Variants in CILK1 observed in about 807,000 individuals in gnomAD.
CILK1 encodes the protein ciliogenesis associated kinase 1, also known as serine/threonine-protein kinase ICK.
Under a neutral mutation model 79.2 loss-of-function variants are expected in CILK1, and 47 were observed. That is an observed-to-expected ratio of 0.59 (90% confidence interval 0.47 to 0.76). CILK1 has a LOEUF of 0.76. CILK1 is among the 30% of genes least tolerant of loss of function. The pLI, the probability that CILK1 is intolerant of heterozygous loss-of-function variation, is 0.00. For missense variants in CILK1, 660 were observed against 769.5 expected, an observed-to-expected ratio of 0.86 and a Z score of 1.68; for synonymous variants, 266 against 275.9, an observed-to-expected ratio of 0.96 and a Z score of 0.36.
Position 53,001,987 on chromosome 6 carries a change from T to G in CILK1, c.*3162A>C, listed in dbSNP as rs1318457091. ...GTATTTGCACTCAAAAATAAAATAA[T>G]TCTTGTGTTGTCTTGATTGTATACA... On this transcript the variant is annotated 3_prime_UTR_variant, in exon 14 of 14. Coordinates refer to ENST00000676107, the MANE Select transcript of CILK1 (RefSeq NM_014920.5). The G allele has an allele frequency of 6.6e-6, 1 of 152,182 alleles. No homozygotes were observed. The highest frequency in any genetic ancestry group is 1.5e-5 in the Non-Finnish European group (1 of 68,036). The allele number at this position is 152,182 out of a possible 1,614,324, so 9.4% of individuals were successfully genotyped here.
At chr6:53,016,766 G>C (rs1279839860) in intron 7 of CILK1, among the ~76,000 whole-genome samples, 1 of 152,178 alleles carries the variant, frequency 6.6e-6, no homozygotes, top group Non-Finnish European at 1.5e-5. Context: ...ACTTTTTCAT[G>C]CATCATTTCT....
chr6:53,057,941 A>C (rs140350542), intron 1 of CILK1: 1 of 152,336 alleles, frequency 6.6e-6, no homozygotes, highest in African/African-American at 2.4e-5. Flanking sequence ...GTTTAAAAAA[A>C]GGGGGGAGCA....
chr6:53,043,293 G>A (rs1056594282), intron 1 of CILK1, among the ~76,000 whole-genome samples: 3 of 151,726 alleles, frequency 2.0e-5, no homozygotes, highest in African/African-American at 7.3e-5. Flanking sequence ...GCCAGCCTGG[G>A]TAACAGAGTG....
chr6:53,018,227 G>A, intron 7 of CILK1, 103 bp downstream of exon 7: 1 of 1,109,930 alleles, frequency 9.0e-7, no homozygotes, highest in South Asian at 1.3e-5. Context: ...AAAGAGCCTA[G>A]AATGGGCAGG....
At chr6:53,012,544 A>T (rs1764639643) in intron 9 of CILK1, among the ~76,000 whole-genome samples, 1 of 152,198 alleles carries the variant, frequency 6.6e-6, no homozygotes, top group Non-Finnish European at 1.5e-5. Flanking sequence ...AGTTAATATG[A>T]TCTCTGTTAT....
chr6:53,049,652 A>G (rs1245171360), intron 1 of CILK1, among the ~76,000 whole-genome samples: 1 of 152,228 alleles, frequency 6.6e-6, no homozygotes, highest in Non-Finnish European at 1.5e-5. Flanking sequence ...CATGCCATCC[A>G]TAGTGACATT....
rs573135567 is a variant in CILK1 at position 53,003,837 on chromosome 6, T to C, written c.*1312A>G. 3.3e-5 allele frequency: 5 copies of C among 152,654 alleles called. No individual in the cohort carries two copies. Among genetic ancestry groups the C allele is most frequent in the Non-Finnish European group, 7.3e-5 (5 of 68,044 alleles). 9.5% of individuals were successfully genotyped at this position (152,654 alleles called of 1,614,324 possible). On this transcript the variant is annotated 3_prime_UTR_variant, in exon 14 of 14. Transcript: ENST00000676107. ...AATATGAATCAATACACTGTTGAGA[T>C]TGCATTGCGTTCACTGATGGTGACC...
At chr6:53,027,508 C>A (rs894695471) in intron 5 of CILK1, among the ~76,000 whole-genome samples, 2 of 152,120 alleles carry the variant, frequency 1.3e-5, no homozygotes, top group African/African-American at 2.4e-5. Flanking sequence ...AGAAGTCTAC[C>A]CCCCAGAGGC....
At chr6:53,016,466 G>A (rs527446251) in intron 7 of CILK1, among the ~76,000 whole-genome samples, 1 of 151,914 alleles carries the variant, frequency 6.6e-6, no homozygotes, top group Non-Finnish European at 1.5e-5. Context: ...GGGAATAGTG[G>A]AAAAGACACT....
Position 53,002,801 on chromosome 6 carries a change from C to T in CILK1, c.*2348G>A, listed in dbSNP as rs1000208399. 5 of 152,104 alleles carry T rather than the reference C, an allele frequency of 3.3e-5. No homozygotes were observed. The highest frequency in any genetic ancestry group is 5.9e-5 in the Non-Finnish European group (4 of 68,030). The allele number at this position is 152,104 out of a possible 1,614,324, so 9.4% of individuals were successfully genotyped here. On this transcript the variant is annotated 3_prime_UTR_variant, in exon 14 of 14. Coordinates refer to ENST00000676107, the MANE Select transcript of CILK1 (RefSeq NM_014920.5). Reference sequence around the variant, plus strand: ...AAGCGAAGTATTTTCTGAAGTTGGGCCCTATAAAGTATTAGAAAAACAATT... The same window carrying T: ...AAGCGAAGTATTTTCTGAAGTTGGGTCCTATAAAGTATTAGAAAAACAATT...
intron 3 of CILK1, among the ~76,000 whole-genome samples, chr6:53,036,348 C>T (rs944596217): frequency 4.6e-5 from 7 of 152,102 alleles, no homozygotes; most frequent in Non-Finnish European, 1.0e-4. Flanking sequence ...CAGAGGTTGG[C>T]AAACTATGTC....
chr6:53,007,548 G>A (rs1392534633), intron 12 of CILK1, among the ~76,000 whole-genome samples: 1 of 152,200 alleles, frequency 6.6e-6, no homozygotes, highest in Non-Finnish European at 1.5e-5. Context: ...GTGGCATCAA[G>A]GATGCAGAGC....
intron 1 of CILK1, among the ~76,000 whole-genome samples, chr6:53,047,500 CT>C (rs574158671): frequency 8.9e-4 from 73 of 82,398 alleles, no homozygotes; most frequent in Middle Eastern, 6.9e-3. Context: ...GATGAGGTCT[CT>C]TTTTTTTTTT....
intron 7 of CILK1, 119 bp from the exon 8 acceptor site, chr6:53,016,369 AACC>A: frequency 1.1e-6 from 1 of 888,722 alleles, no homozygotes; most frequent in Admixed American, 1.8e-5. Flanking sequence ...CACATTCATT[AACC>A]ACCCACATTC....
intron 13 of CILK1, 62 bp downstream of exon 13, chr6:53,006,253 A>G: frequency 3.9e-6 from 6 of 1,532,492 alleles, no homozygotes; most frequent in Non-Finnish European, 5.4e-6. Context: ...TGCCTGGCAC[A>G]AAGCAGTTGT....
intron 5 of CILK1, among the ~76,000 whole-genome samples, chr6:53,021,218 G>C (rs1029921185): frequency 6.6e-6 from 1 of 152,042 alleles, no homozygotes; most frequent in Admixed American, 6.6e-5. Context: ...CCAGCTACTC[G>C]GGAGGCTGAG....
chr6:53,035,622 G>C (rs1352013803), intron 3 of CILK1, among the ~76,000 whole-genome samples: 1 of 152,166 alleles, frequency 6.6e-6, no homozygotes, highest in Admixed American at 6.5e-5. Flanking sequence ...TTCATGGGCA[G>C]ACATGCAAAT....
intron 1 of CILK1, chr6:53,057,823 G>A (rs560900308): frequency 6.6e-6 from 1 of 152,240 alleles, no homozygotes; most frequent in Admixed American, 6.5e-5. Flanking sequence ...ATTTTGAAAT[G>A]TGTGAGTATA....
At chr6:53,028,276 A>T (rs1451644152) in intron 5 of CILK1, among the ~76,000 whole-genome samples, 1 of 152,222 alleles carries the variant, frequency 6.6e-6, no homozygotes, top group Non-Finnish European at 1.5e-5. Flanking sequence ...AGACTGCGTG[A>T]CTGCACTCCA....
Sources: gnomAD v4.1 joint callset for allele counts (sites outside exome capture counted in the v4.1 genomes callset) on GRCh38, gnomAD v4.1.1 for gene constraint, MANE v1.5 for transcripts, NCBI Gene and HGNC (gene_info 2026-07-23, HGNC 2026-07-21) for gene names.